The following APBB1IP variants were observed in gnomAD, a reference collection of about 807,000 sequenced individuals.
APBB1IP encodes the protein amyloid beta A4 precursor protein-binding family B member 1-interacting protein.
In APBB1IP, 27 loss-of-function variants were observed where a neutral mutation model predicts 64.9. That is an observed-to-expected ratio of 0.42 (90% CI 0.31 to 0.57). APBB1IP has a LOEUF of 0.57. APBB1IP is among the 20% of genes least tolerant of loss of function. APBB1IP has a pLI of 0.20. For missense variants in APBB1IP, 812 were observed against 845.5 expected (o/e 0.96, Z 0.49); for synonymous variants, 392 against 331.0 (o/e 1.18, Z -2.00).
At chr10:26,470,592 C>T (rs148075522) in intron 2 of APBB1IP, among the ~76,000 whole-genome samples, 2 of 152,122 alleles carry the variant, frequency 1.3e-5, no homozygotes, top group African/African-American at 2.4e-5. Context: ...CAACTATAGG[C>T]TAGTGTAAGT....
chr10:26,488,255 T>A (rs1054985052), intron 2 of APBB1IP, among the ~76,000 whole-genome samples: 13 of 150,628 alleles, frequency 8.6e-5, no homozygotes, highest in Non-Finnish European at 1.5e-4. Context: ...TTTTTTTTTT[T>A]GAGAGAGTCT....
At chr10:26,539,231 G>A (rs1836666651) in intron 10 of APBB1IP, among the ~76,000 whole-genome samples, 1 of 151,940 alleles carries the variant, frequency 6.6e-6, no homozygotes. Context: ...AGAAACATAG[G>A]GAGACCCTGT....
At chr10:26,455,767 C>T (rs1835518182) in intron 2 of APBB1IP, among the ~76,000 whole-genome samples, 1 of 152,008 alleles carries the variant, frequency 6.6e-6, no homozygotes, top group African/African-American at 2.4e-5. Context: ...TAAATACTTA[C>T]AGAGTTACCA....
chr10:26,556,336 C>T (rs58582768), intron 11 of APBB1IP, among the ~76,000 whole-genome samples: 3,887 of 152,292 alleles, frequency 0.026, 144 homozygotes, highest in African/African-American at 0.087. Flanking sequence ...CAAGGCTGAA[C>T]GATTTCTGCA....
At chr10:26,545,349 G>C (rs1343578929) in intron 11 of APBB1IP, among the ~76,000 whole-genome samples, 2 of 152,250 alleles carry the variant, frequency 1.3e-5, no homozygotes, top group Non-Finnish European at 2.9e-5. Flanking sequence ...CTTAGGCCAG[G>C]TGCGGTGGCA....
intron 8 of APBB1IP, among the ~76,000 whole-genome samples, chr10:26,515,291 G>T (rs560436556): frequency 6.6e-6 from 1 of 152,236 alleles, no homozygotes; most frequent in African/African-American, 2.4e-5. Context: ...TCTCTCTCAC[G>T]CACTGGTCCA....
At chr10:26,535,882 G>A (rs1836616234) in intron 9 of APBB1IP, among the ~76,000 whole-genome samples, 192 bp from the exon 10 acceptor site, 1 of 152,152 alleles carries the variant, frequency 6.6e-6, no homozygotes, top group Non-Finnish European at 1.5e-5. Context: ...TCAGGAGCCA[G>A]GATTCTTGAT....
chr10:26,491,443 C>T (rs1835953514), intron 2 of APBB1IP, among the ~76,000 whole-genome samples: 2 of 152,186 alleles, frequency 1.3e-5, no homozygotes, highest in African/African-American at 2.4e-5. Context: ...AACTTCCCAA[C>T]TTAGCCTTGC....
chr10:26,538,372 G>A (rs1836654118), intron 10 of APBB1IP, among the ~76,000 whole-genome samples: 1 of 151,750 alleles, frequency 6.6e-6, no homozygotes, highest in Admixed American at 6.6e-5. Flanking sequence ...GCCAGGTGCG[G>A]TGGCTCATGC....
At position 26,567,061 on chromosome 10, in the gene APBB1IP, C is replaced by T. The variant is rs1837055830; in HGVS notation, c.1574C>T (p.Ser525Phe). Residue 525 changes from serine to phenylalanine, a missense_variant, in exon 15 of 15, where the codon TCC becomes TTC. Physicochemically the swap from Ser to Phe is radical, Grantham distance 155. This residue lies in a region of APBB1IP where 381 missense variants were observed against 352.1 expected (regional missense o/e 1.08). Transcript: ENST00000376236. ...SLPPPPPVRR[S>F]SDTSGSPATP... ...CCCCCGCCCCCTCCGGTGCGGAGGT[C>T]CTCCGACACCAGCGGCAGTCCCGCC... is the stretch of plus-strand genomic sequence containing the variant. The T allele has an allele frequency of 2.0e-6, 3 of 1,502,250 alleles. No homozygotes were observed. The highest frequency in any genetic ancestry group is 2.6e-6 in the Non-Finnish European group (3 of 1,140,282). The allele number at this position is 1,502,250 out of a possible 1,614,324, so 93.1% of individuals were successfully genotyped here.
intron 2 of APBB1IP, among the ~76,000 whole-genome samples, chr10:26,458,976 A>G (rs1589192416): frequency 6.6e-6 from 1 of 151,614 alleles, no homozygotes; most frequent in East Asian, 1.9e-4. Flanking sequence ...TTTAGGGTAC[A>G]TGTGCACAAT....
chr10:26,533,501 T>C lies in APBB1IP; in HGVS notation c.876T>C (p.Ala292=). Residue 292 remains alanine, a synonymous_variant, in exon 9 of 15, where the codon GCT becomes GCC. Transcript: ENST00000376236. ...AGGAAACTAATGAGAAAATGAATGC[T>C]AAGAACAAGGAATCCTTACTTGAGG... The part of the protein sequence containing the change: ...ESKETNEKMN[A]KNKESLLEES... The C allele has an allele frequency of 6.2e-7, 1 of 1,605,264 alleles. No individual in the cohort carries two copies. The highest frequency in any genetic ancestry group is 8.5e-7 in the Non-Finnish European group (1 of 1,176,552).
intron 2 of APBB1IP, among the ~76,000 whole-genome samples, chr10:26,487,461 C>T (rs949043866): frequency 3.3e-5 from 5 of 152,030 alleles, no homozygotes; most frequent in African/African-American, 1.2e-4. Context: ...TTATCTTCAC[C>T]GTGGGTGCAA....
Position 26,567,423 on chromosome 10 carries a change from G to T in APBB1IP, c.1936G>T (p.Gly646Trp), listed in dbSNP as rs1267394352. The change falls in exon 15 of 15, where the codon GGG (glycine) becomes TGG (tryptophan). Residue 646 changes from glycine (G) to tryptophan (W), a missense_variant. This residue lies in a region of APBB1IP where 381 missense variants were observed against 352.1 expected (regional missense o/e 1.08). Coordinates refer to ENST00000376236, the MANE Select transcript of APBB1IP (RefSeq NM_019043.4). The part of the protein sequence containing the change: ...NPGHPGGAGG[G>W]EQDFMSDLMK... ...AGGGCACCCCGGCGGAGCAGGAGGC[G>T]GGGAGCAAGATTTCATGTCAGACCT... 2 of 1,606,802 alleles carry T rather than the reference G, an allele frequency of 1.2e-6. No homozygotes were observed. Among genetic ancestry groups the T allele is most frequent in the Admixed American group, 1.7e-5 (1 of 59,692 alleles).
At chr10:26,521,320 T>C (rs1356461316) in intron 8 of APBB1IP, among the ~76,000 whole-genome samples, 2 of 152,192 alleles carry the variant, frequency 1.3e-5, no homozygotes, top group African/African-American at 4.8e-5. Flanking sequence ...TCCTTGGGTA[T>C]AAGAACAGAT....
chr10:26,489,906 T>C (rs1835934743), intron 2 of APBB1IP, among the ~76,000 whole-genome samples: 1 of 152,126 alleles, frequency 6.6e-6, no homozygotes, highest in Non-Finnish European at 1.5e-5. Context: ...GTGCCCATAA[T>C]ACCAGCTACT....
At chr10:26,469,801 T>C (rs966341667) in intron 2 of APBB1IP, among the ~76,000 whole-genome samples, 1 of 152,206 alleles carries the variant, frequency 6.6e-6, no homozygotes, top group African/African-American at 2.4e-5. Flanking sequence ...AAGTCTATTG[T>C]TCCCATCTCT....
At chr10:26,465,530 G>A (rs1203898933) in intron 2 of APBB1IP, among the ~76,000 whole-genome samples, 1 of 151,850 alleles carries the variant, frequency 6.6e-6, no homozygotes, top group Non-Finnish European at 1.5e-5. Context: ...AATGATTTTT[G>A]CACCTTCTGA....
intron 11 of APBB1IP, among the ~76,000 whole-genome samples, chr10:26,553,801 G>C (rs1206739793): frequency 1.3e-5 from 2 of 152,192 alleles, no homozygotes; most frequent in Admixed American, 6.5e-5. Context: ...CTATTATTAA[G>C]ATTTCCAAAG....
Sources: gnomAD v4.1 joint callset for allele counts (sites outside exome capture counted in the v4.1 genomes callset) on GRCh38, gnomAD v4.1.1 for gene constraint, gnomAD v4.1.1 regional missense constraint, MANE v1.5 for transcripts, NCBI Gene and HGNC (gene_info 2026-07-23, HGNC 2026-07-21) for gene names.